ACAD11: variants seen among roughly 807,000 people sequenced by gnomAD.
ACAD11 encodes acyl-CoA dehydrogenase family member 11.
Under a neutral mutation model 102.2 loss-of-function variants are expected in ACAD11, and 83 were observed. That is an observed-to-expected ratio of 0.81 (90% confidence interval 0.68 to 0.97). The LOEUF (loss-of-function observed/expected upper bound fraction) is 0.97. Ranked by LOEUF, ACAD11 falls within the 50% of genes least tolerant of loss-of-function variation. The pLI is 0.00. For synonymous variants in ACAD11, 324 were observed against 319.8 expected, an observed-to-expected ratio of 1.01 and a Z score of -0.14; for missense variants, 901 against 951.7, an observed-to-expected ratio of 0.95 and a Z score of 0.70.
chr3:132,620,395 C>G (rs1216039044), intron 9 of ACAD11: 3 of 152,156 alleles, frequency 2.0e-5, no homozygotes, highest in Admixed American at 6.5e-5. Flanking sequence ...GATGCGAAAA[C>G]AAATCCTATC....
chr3:132,565,589 A>C (rs951818701), intron 17 of ACAD11, among the ~76,000 whole-genome samples: 1 of 152,158 alleles, frequency 6.6e-6, no homozygotes, highest in East Asian at 1.9e-4. Flanking sequence ...ATTCAAAATT[A>C]ATTTTTAAAA....
At chr3:132,635,204 G>C (rs896966881) in intron 5 of ACAD11, among the ~76,000 whole-genome samples, 2 of 152,030 alleles carry the variant, frequency 1.3e-5, no homozygotes, top group African/African-American at 4.8e-5. Context: ...GGATGGATGA[G>C]GTCCAGAGAG....
At chr3:132,630,364 G>C in intron 7 of ACAD11, 73 bp downstream of exon 7, 2 of 1,431,760 alleles carry the variant, frequency 1.4e-6, no homozygotes, top group Non-Finnish European at 1.9e-6. Context: ...TATAAAACCC[G>C]GAAGACTGGA....
chr3:132,629,548 T>C (rs1939954211), intron 7 of ACAD11, among the ~76,000 whole-genome samples: 1 of 152,226 alleles, frequency 6.6e-6, no homozygotes, highest in Non-Finnish European at 1.5e-5. Context: ...CTATTTGGTA[T>C]CTTATTTGTG....
chr3:132,588,338 C>T (rs1937936765), intron 13 of ACAD11, among the ~76,000 whole-genome samples: 1 of 152,140 alleles, frequency 6.6e-6, no homozygotes, highest in African/African-American at 2.4e-5. Flanking sequence ...TTAAACTTTG[C>T]CAAAAATCAG....
chr3:132,632,391 T>C (rs1940084603), intron 5 of ACAD11, among the ~76,000 whole-genome samples: 1 of 152,204 alleles, frequency 6.6e-6, no homozygotes, highest in African/African-American at 2.4e-5. Context: ...CATTCTTTTG[T>C]TCATTTCTTA....
chr3:132,650,725 A>G (rs879495860), intron 1 of ACAD11, among the ~76,000 whole-genome samples: 17 of 152,252 alleles, frequency 1.1e-4, no homozygotes, highest in Admixed American at 1.0e-3. Context: ...GTCCCTCCCC[A>G]GCCCCAATAC....
chr3:132,596,426 T>G (rs1210965605), intron 13 of ACAD11, among the ~76,000 whole-genome samples: 2 of 151,248 alleles, frequency 1.3e-5, no homozygotes, highest in Admixed American at 1.3e-4. Flanking sequence ...AACTTAAAAG[T>G]TTTTTTTTAA....
rs1938031106 is a variant in ACAD11 at position 132,659,721 on chromosome 3, A to C, written c.31T>G (p.Leu11Val). Residue 11 changes from leucine (L) to valine (V), a missense_variant, in exon 1 of 20, where the codon TTG (leucine) becomes GTG (valine). Leu to Val is a conservative substitution (Grantham distance 32). Coordinates refer to ENST00000264990, the MANE Select transcript of ACAD11 (RefSeq NM_032169.5). ...TTGTGCTGGGGCAGCACTTCGGCCA[A>C]ATCGGACTCGCCAGTAGCACCTGGC... MKPGATGESD[L>V]AEVLPQHKFD... 6.2e-7 allele frequency: 1 copy of C among 1,609,002 alleles called. No homozygotes were observed. The highest frequency in any genetic ancestry group is 8.5e-7 in the Non-Finnish European group (1 of 1,177,110).
intron 1 of ACAD11, among the ~76,000 whole-genome samples, chr3:132,658,374 C>T (rs1205290049): frequency 6.6e-6 from 1 of 152,144 alleles, no homozygotes; most frequent in African/African-American, 2.4e-5. Context: ...TAATTTACAA[C>T]TAATTTCATT....
intron 11 of ACAD11, among the ~76,000 whole-genome samples, chr3:132,612,138 T>G (rs1463657750): frequency 6.6e-6 from 1 of 151,980 alleles, no homozygotes; most frequent in Non-Finnish European, 1.5e-5. Context: ...GATTCCCTAT[T>G]TAATAAATGG....
chr3:132,609,232 C>G (rs961508648), intron 11 of ACAD11, among the ~76,000 whole-genome samples: 2 of 152,028 alleles, frequency 1.3e-5, no homozygotes, highest in African/African-American at 4.8e-5. Flanking sequence ...ATTAAAAGAA[C>G]TAGAGAAGCA....
At chr3:132,591,764 A>G (rs1215849640) in intron 13 of ACAD11, among the ~76,000 whole-genome samples, 3 of 152,068 alleles carry the variant, frequency 2.0e-5, no homozygotes, top group Non-Finnish European at 4.4e-5. Flanking sequence ...GGTGCAGCAC[A>G]TCTGTAGTCC....
Position 132,561,173 on chromosome 3 carries a change from C to T in ACAD11, c.2046G>A (p.Glu682=), listed in dbSNP as rs1387204408. The change falls in exon 18 of 20, where the codon GAG becomes GAA. Residue 682 remains glutamate (E), a synonymous_variant. Coordinates refer to ENST00000264990, the MANE Select transcript of ACAD11 (RefSeq NM_032169.5). ...CTTTCAGAGTCAACAAGCGGATCTT[C>T]TCAATGGCAATGCGGCTTTCAGCAA... ...HWIAESRIAI[E]KIRLLTLKAA... is the part of the protein sequence containing the mutation. 6.2e-7 allele frequency: 1 copy of T among 1,613,542 alleles called. No individual in the cohort carries two copies. The highest frequency in any genetic ancestry group is 1.1e-5 in the South Asian group (1 of 91,074).
At chr3:132,594,176 T>C (rs1160330748) in intron 13 of ACAD11, among the ~76,000 whole-genome samples, 2 of 152,168 alleles carry the variant, frequency 1.3e-5, no homozygotes, top group Non-Finnish European at 2.9e-5. Flanking sequence ...GCTTTGTATG[T>C]GTCTGAATTA....
intron 11 of ACAD11, among the ~76,000 whole-genome samples, chr3:132,615,921 G>A (rs1553763062): frequency 2.0e-5 from 3 of 152,074 alleles, no homozygotes; most frequent in Non-Finnish European, 1.5e-5. Context: ...TTGAAGGGGG[G>A]AAAAAGGGCA....
chr3:132,628,352 TGTA>T lies in ACAD11; in HGVS notation c.1055_1057del (p.Leu352del). ...CTGTTTTCCTTACCGTTTGGAGAGT[TGTA>T]GTCCAGTTTCTGCCAGAGGTTGCAC... On this transcript the variant is annotated inframe_deletion, in exon 8 of 20. Transcript: ENST00000264990. 6.2e-7 allele frequency: 1 copy of T among 1,612,322 alleles called. No homozygotes were observed. Among genetic ancestry groups the T allele is most frequent in the Non-Finnish European group, 8.5e-7 (1 of 1,179,124 alleles).
intron 13 of ACAD11, among the ~76,000 whole-genome samples, chr3:132,591,612 G>A (rs1242547751): frequency 1.3e-5 from 2 of 151,970 alleles, no homozygotes; most frequent in Non-Finnish European, 2.9e-5. Flanking sequence ...AATGTTGGCC[G>A]GGCATGATGA....
At chr3:132,591,347 G>A (rs1938068431) in intron 13 of ACAD11, among the ~76,000 whole-genome samples, 1 of 152,008 alleles carries the variant, frequency 6.6e-6, no homozygotes, top group Non-Finnish European at 1.5e-5. Context: ...GCTCTATTCT[G>A]TTCCATTGGT....
Sources: gnomAD v4.1 joint callset for allele counts (sites outside exome capture counted in the v4.1 genomes callset) on GRCh38, gnomAD v4.1.1 for gene constraint, MANE v1.5 for transcripts, NCBI Gene and HGNC (gene_info 2026-07-23, HGNC 2026-07-21) for gene names.